Variants in GRIK1 observed in about 807,000 individuals in gnomAD.
GRIK1 encodes the protein glutamate ionotropic receptor kainate type subunit 1.
A neutral mutation model predicts 105.7 loss-of-function variants in GRIK1; 69 were observed. The ratio of observed to expected loss-of-function variants is 0.65; its 90% CI spans 0.54 to 0.80. GRIK1 has a LOEUF of 0.80. Ranked by LOEUF, GRIK1 falls within the 30% of genes least tolerant of loss-of-function variation. The probability of loss-of-function intolerance (pLI) is 0.00; values close to 1 mark genes in which losing one functional copy is unlikely to be tolerated. For synonymous variants in GRIK1, 438 were observed against 431.3 expected (o/e 1.02, Z -0.19); for missense variants, 1,109 against 1,167.3 (o/e 0.95, Z 0.73).
At chr21:29,541,831 C>T (rs1568789686) in intron 16 of GRIK1, among the ~76,000 whole-genome samples, 1 of 151,810 alleles carries the variant, frequency 6.6e-6, no homozygotes, top group Non-Finnish European at 1.5e-5. Context: ...TACATAGGCA[C>T]TCCAACATCA....
At position 29,854,943 on chromosome 21, in the gene GRIK1, A is replaced by G. The variant is rs186155601; in HGVS notation, c.118+84440T>C. 6.4e-4 allele frequency among the ~76,000 whole-genome samples: 97 copies of G among 152,350 alleles called. 2 individuals carry two copies. The highest frequency in any genetic ancestry group is 3.5e-3 in the South Asian group (17 of 4,828). On this transcript the variant is annotated intron_variant, in intron 1 of 17. Transcript: ENST00000327783. ...CTTCATCCAGGGATATTTGCATCAT[A>G]GAAAAAGGCCTCTTAAAAATGGACT...
intron 8 of GRIK1, among the ~76,000 whole-genome samples, chr21:29,597,413 G>C (rs550990418): frequency 1.6e-4 from 25 of 152,320 alleles, no homozygotes; most frequent in African/African-American, 6.0e-4. Context: ...TAGCCAAAAA[G>C]ATGTTTCCTT....
intron 1 of GRIK1, among the ~76,000 whole-genome samples, chr21:29,794,301 A>G (rs1432845636): frequency 6.6e-6 from 1 of 152,256 alleles, no homozygotes; most frequent in African/African-American, 2.4e-5. Flanking sequence ...AAATTAATGG[A>G]GAAAAACGTA....
intron 1 of GRIK1, among the ~76,000 whole-genome samples, chr21:29,816,990 A>G (rs1459218600): frequency 1.3e-5 from 2 of 152,164 alleles, no homozygotes; most frequent in South Asian, 4.1e-4. Flanking sequence ...TATTCTAAAT[A>G]TGCTGATTTG....
At chr21:29,644,071 TA>T (rs2062569213) in intron 6 of GRIK1, among the ~76,000 whole-genome samples, 1 of 152,180 alleles carries the variant, frequency 6.6e-6, no homozygotes, top group South Asian at 2.1e-4. Context: ...ATCTAGGTCA[TA>T]GAATGAAAAT....
chr21:29,855,414 G>A (rs1011058170), intron 1 of GRIK1, among the ~76,000 whole-genome samples: 1 of 152,178 alleles, frequency 6.6e-6, no homozygotes, highest in African/African-American at 2.4e-5. Context: ...AGATCTGAAT[G>A]TCAAGAAGGA....
At chr21:29,666,893 GT>G (rs1349639037) in intron 4 of GRIK1, among the ~76,000 whole-genome samples, 1 of 152,164 alleles carries the variant, frequency 6.6e-6, no homozygotes, top group Admixed American at 6.6e-5. Context: ...CCTCAGATAA[GT>G]TTTAAATCCC....
rs183098871 is a variant in GRIK1, at chr21:29,859,818, C to T, written c.118+79565G>A. Among the ~76,000 whole-genome samples the T allele has an allele frequency of 4.1e-4, 63 of 152,312 alleles. 1 individual carries two copies. In the East Asian group the frequency reaches 0.011, roughly 27 times the overall value. ...AAATGAAGTTTGAATTCTGCCTCTGCTCTTTTCTATCTGGGAGAGCCCAGG... is the reference window on the plus strand; with the variant it reads ...AAATGAAGTTTGAATTCTGCCTCTGTTCTTTTCTATCTGGGAGAGCCCAGG... On this transcript the variant is annotated intron_variant, in intron 1 of 17. Coordinates refer to ENST00000327783, the MANE Select transcript of GRIK1 (RefSeq NM_001330994.2).
At chr21:29,860,465 T>C (rs1040840130) in intron 1 of GRIK1, among the ~76,000 whole-genome samples, 1 of 152,198 alleles carries the variant, frequency 6.6e-6, no homozygotes, top group African/African-American at 2.4e-5. Flanking sequence ...TCTGTCCTCA[T>C]CTTAGATCTG....
intron 1 of GRIK1, among the ~76,000 whole-genome samples, chr21:29,788,985 G>A (rs2066338074): frequency 6.6e-6 from 1 of 152,178 alleles, no homozygotes; most frequent in African/African-American, 2.4e-5. Flanking sequence ...TTCCTAACAG[G>A]CCACATGGCC....
At chr21:29,660,715 T>G (rs898235219) in intron 4 of GRIK1, among the ~76,000 whole-genome samples, 5 of 152,226 alleles carry the variant, frequency 3.3e-5, no homozygotes, top group African/African-American at 9.6e-5. Flanking sequence ...TCTTGGAAGT[T>G]TATACTGACT....
At chr21:29,845,837 G>A (rs1348629451) in intron 1 of GRIK1, among the ~76,000 whole-genome samples, 1 of 152,120 alleles carries the variant, frequency 6.6e-6, no homozygotes, top group Non-Finnish European at 1.5e-5. Flanking sequence ...GGGAAGCAAA[G>A]TAGGAAGTGA....
chr21:29,900,083 C>A (rs1193763606), intron 1 of GRIK1, among the ~76,000 whole-genome samples: 4 of 122,324 alleles, frequency 3.3e-5, no homozygotes, highest in African/African-American at 8.7e-5. Flanking sequence ...GACTCTGTCT[C>A]AAAAAAAAAA....
rs6516933 is a variant in GRIK1, at chr21:29,868,597, G to A, written c.118+70786C>T. The stretch of plus-strand genomic sequence containing the variant: ...GATCACTTTTCTAGGGGTAATTTAG[G>A]TACACACTAGGAGTTTCTGTCCCTT... On this transcript the variant is annotated intron_variant, in intron 1 of 17. Transcript: ENST00000327783. 6.8e-3 allele frequency among the ~76,000 whole-genome samples: 1,035 copies of A among 152,074 alleles called. 9 individuals are homozygous for A. The highest frequency in any genetic ancestry group is 0.024 in the African/African-American group (993 of 41,474).
intron 9 of GRIK1, among the ~76,000 whole-genome samples, chr21:29,593,483 T>C (rs771835175): frequency 1.2e-4 from 19 of 152,152 alleles, no homozygotes; most frequent in Non-Finnish European, 2.2e-4. Flanking sequence ...TTCTAGGAAA[T>C]GTAACTCTGG....
At chr21:29,596,248 T>A (rs1011638931) in intron 9 of GRIK1, 1 of 529,354 alleles carries the variant, frequency 1.9e-6, no homozygotes, top group African/African-American at 1.9e-5. Flanking sequence ...CTTTCAATCC[T>A]AACAAGGACT....
chr21:29,832,396 G>A (rs1324553233), intron 1 of GRIK1, among the ~76,000 whole-genome samples: 1 of 152,134 alleles, frequency 6.6e-6, no homozygotes, highest in Non-Finnish European at 1.5e-5. Context: ...CCTCTACATT[G>A]CCCTAGTAGA....
chr21:29,880,221 G>A (rs1025197866), intron 1 of GRIK1, among the ~76,000 whole-genome samples: 1 of 152,014 alleles, frequency 6.6e-6, no homozygotes, highest in Non-Finnish European at 1.5e-5. Context: ...GTATTGACAG[G>A]AAAGGTATAT....
chr21:29,902,173 A>C (rs1288511005), intron 1 of GRIK1, among the ~76,000 whole-genome samples: 1 of 152,218 alleles, frequency 6.6e-6, no homozygotes, highest in East Asian at 1.9e-4. Context: ...ATTTATGACA[A>C]ACTCACAGCC....
Sources: allele counts gnomAD v4.1 joint callset (sites outside exome capture counted in the v4.1 genomes callset), GRCh38; gene constraint gnomAD v4.1.1; transcripts MANE v1.5; gene names NCBI Gene and HGNC (gene_info 2026-07-23, HGNC 2026-07-21).